Variants in GATAD2A observed in about 807,000 individuals in gnomAD.
GATAD2A encodes the protein transcriptional repressor p66-alpha.
In GATAD2A, 12 loss-of-function variants were observed where a neutral mutation model predicts 68.5. The ratio of observed to expected loss-of-function variants is 0.18; its 90% CI spans 0.11 to 0.28. The LOEUF (loss-of-function observed/expected upper bound fraction) is 0.28. GATAD2A is among the 10% of genes least tolerant of loss of function. The probability of loss-of-function intolerance (pLI) is 1.00; values close to 1 mark genes in which losing one functional copy is unlikely to be tolerated. For synonymous variants in GATAD2A, 410 were observed against 375.3 expected (o/e 1.09, Z -1.07); for missense variants, 755 against 868.5 (o/e 0.87, Z 1.64).
chr19:19,407,551 A>G (rs2050421917), intron 1 of GATAD2A, among the ~76,000 whole-genome samples: 1 of 152,184 alleles, frequency 6.6e-6, no homozygotes, highest in Non-Finnish European at 1.5e-5. Context: ...TAGAGCCCAC[A>G]AATGCTGCAG....
chr19:19,489,730 G>C lies in GATAD2A; in HGVS notation c.270-2576G>C, dbSNP rs1036485234. Among the ~76,000 whole-genome samples, 8 of 152,246 alleles carry C rather than the reference G, an allele frequency of 5.3e-5. No individual in the cohort carries two copies. In the East Asian group the frequency reaches 1.3e-3, roughly 26 times the overall value. The stretch of plus-strand genomic sequence containing the variant: ...GCACACGCCCTCAATAAGATGATAA[G>C]AAGGGTTAAGTCCCTTAGAGCTTGG... On this transcript the variant is annotated intron_variant, in intron 2 of 11. Coordinates refer to ENST00000683918, the MANE Select transcript of GATAD2A (RefSeq NM_001384528.1).
chr19:19,467,696 G>A (rs532607651), intron 2 of GATAD2A, among the ~76,000 whole-genome samples: 6 of 152,168 alleles, frequency 3.9e-5, no homozygotes, highest in South Asian at 4.2e-4. Context: ...TCTTATGACC[G>A]AATCTGGGCA....
At chr19:19,415,962 T>TC (rs2051576295) in intron 1 of GATAD2A, among the ~76,000 whole-genome samples, 1 of 150,736 alleles carries the variant, frequency 6.6e-6, no homozygotes, top group South Asian at 2.1e-4. Context: ...TGTATGGTTT[T>TC]TTTTCCCCCC....
At chr19:19,420,629 C>T (rs1005355087) in intron 1 of GATAD2A, among the ~76,000 whole-genome samples, 3 of 151,832 alleles carry the variant, frequency 2.0e-5, no homozygotes, top group Non-Finnish European at 2.9e-5. Context: ...TGTGAGCCAC[C>T]GCGACCAGCC....
At chr19:19,456,084 G>T (rs1342179170) in intron 1 of GATAD2A, among the ~76,000 whole-genome samples, 2 of 150,904 alleles carry the variant, frequency 1.3e-5, no homozygotes, top group African/African-American at 4.9e-5. Context: ...AACACGGGAG[G>T]CAGAGTTTGC....
chr19:19,481,466 G>C (rs907317712), intron 2 of GATAD2A, among the ~76,000 whole-genome samples: 2 of 152,180 alleles, frequency 1.3e-5, no homozygotes, highest in African/African-American at 4.8e-5. Context: ...GAGTAGCTGG[G>C]ACTACAGGTG....
At chr19:19,441,946 T>G (rs1326457531) in intron 1 of GATAD2A, among the ~76,000 whole-genome samples, 1 of 151,688 alleles carries the variant, frequency 6.6e-6, no homozygotes, top group Non-Finnish European at 1.5e-5. Context: ...ACCACAACCT[T>G]TGCCTCCTGG....
In GATAD2A at chr19:19,507,905, G is replaced by A. The variant is rs890874077; in HGVS notation, c.*2431G>A. On this transcript the variant is annotated 3_prime_UTR_variant, in exon 12 of 12. Coordinates refer to ENST00000683918, the MANE Select transcript of GATAD2A (RefSeq NM_001384528.1). ...CCCAAGCGGGTTGTTGTATTATGAC[G>A]TTTATGATGTTCCAGGTGAAGGCAT... 1 of 152,238 alleles carries A rather than the reference G, an allele frequency of 6.6e-6. No homozygotes were observed. Among genetic ancestry groups the A allele is most frequent in the Non-Finnish European group, 1.5e-5 (1 of 68,064 alleles). The allele number at this position is 152,238 out of a possible 1,614,324, so 9.4% of individuals were successfully genotyped here. A position where few individuals can be genotyped will look rare whatever the true frequency, so the allele number is the denominator to read the frequency against.
chr19:19,455,606 G>A (rs1216683974), intron 1 of GATAD2A, among the ~76,000 whole-genome samples: 2 of 152,088 alleles, frequency 1.3e-5, no homozygotes, highest in African/African-American at 4.8e-5. Context: ...ACATTTTATG[G>A]AGTATTATAA....
chr19:19,412,368 G>T (rs886984534), intron 1 of GATAD2A, among the ~76,000 whole-genome samples: 14 of 151,772 alleles, frequency 9.2e-5, no homozygotes, highest in Admixed American at 6.6e-4. Context: ...TGTTGGCCAG[G>T]ATGGTCTTGA....
At chr19:19,493,623 C>CA (rs2059952935) in intron 4 of GATAD2A, among the ~76,000 whole-genome samples, 1 of 152,170 alleles carries the variant, frequency 6.6e-6, no homozygotes, top group Non-Finnish European at 1.5e-5. Flanking sequence ...GTCATTGCCT[C>CA]AGTGACCCAG....
intron 1 of GATAD2A, chr19:19,427,948 A>G (rs2053290489): frequency 6.6e-6 from 1 of 152,148 alleles, no homozygotes; most frequent in Non-Finnish European, 1.5e-5. Context: ...CAGCCTCTCA[A>G]AGTGCTGGGA....
At chr19:19,433,856 C>G (rs1311307179) in intron 1 of GATAD2A, among the ~76,000 whole-genome samples, 1 of 152,192 alleles carries the variant, frequency 6.6e-6, no homozygotes, top group Non-Finnish European at 1.5e-5. Flanking sequence ...CTCACTGCAG[C>G]CTCCTGGGCT....
At chr19:19,502,076 GC>G in intron 10 of GATAD2A, 33 bp downstream of exon 10, 1 of 1,514,556 alleles carries the variant, frequency 6.6e-7, no homozygotes, top group Non-Finnish European at 9.2e-7. Flanking sequence ...GGAGCCTCGC[GC>G]CCCCACCGCA....
rs60896872 is a variant in GATAD2A, at chr19:19,452,465, T to TC, written c.-6-12873dup. On this transcript the variant is annotated intron_variant, in intron 1 of 11. Transcript: ENST00000683918. ...GTCTCCTGTTTTTGTAAAATGGTTG[T>TC]CCACCTGTTGAACTGCATCAGCCTC... Among the ~76,000 whole-genome samples, 914 of 152,230 alleles carry TC rather than the reference T, an allele frequency of 6.0e-3. 7 individuals carry two copies. Among genetic ancestry groups the TC allele is most frequent in the African/African-American group, 0.021 (877 of 41,528 alleles).
At chr19:19,418,745 GT>G (rs2051958631) in intron 1 of GATAD2A, among the ~76,000 whole-genome samples, 1 of 152,176 alleles carries the variant, frequency 6.6e-6, no homozygotes, top group African/African-American at 2.4e-5. Context: ...CTGCTCAAAT[GT>G]TTTCAGATTC....
At chr19:19,474,247 C>A in intron 2 of GATAD2A, 1 of 760,882 alleles carries the variant, frequency 1.3e-6, no homozygotes, top group Non-Finnish European at 1.6e-6. Context: ...TTGCCCCCAA[C>A]CCCGACAACC....
chr19:19,426,125 T>A (rs954406526), intron 1 of GATAD2A, among the ~76,000 whole-genome samples: 2 of 152,104 alleles, frequency 1.3e-5, no homozygotes, highest in Non-Finnish European at 1.5e-5. Context: ...ATGATGTTAA[T>A]TAGTAGGGGC....
intron 5 of GATAD2A, 48 bp from the exon 6 acceptor site, chr19:19,495,706 G>A: frequency 1.3e-6 from 2 of 1,511,318 alleles, no homozygotes; most frequent in Non-Finnish European, 1.8e-6. Flanking sequence ...TAAAAAAAGT[G>A]TGGGGGGGTC....
Sources: gnomAD v4.1 joint callset for allele counts (sites outside exome capture counted in the v4.1 genomes callset) on GRCh38, gnomAD v4.1.1 for gene constraint, MANE v1.5 for transcripts, NCBI Gene and HGNC (gene_info 2026-07-23, HGNC 2026-07-21) for gene names.